The following DNAJC6 variants were observed in gnomAD, a reference collection of about 807,000 sequenced individuals.
DNAJC6 encodes auxilin.
DNAJC6 carries 34 observed loss-of-function variants against 110.0 expected under a neutral mutation model. That is an observed-to-expected ratio of 0.31 (90% confidence interval 0.24 to 0.41). DNAJC6 has a LOEUF of 0.41. Among genes scored for constraint, DNAJC6 ranks in the 10% least tolerant of loss-of-function variants. The probability of loss-of-function intolerance (pLI) is 1.00; values close to 1 mark genes in which losing one functional copy is unlikely to be tolerated. For synonymous variants in DNAJC6, 406 were observed against 437.2 expected (o/e 0.93, Z 0.89); for missense variants, 1,031 against 1,207.8 (o/e 0.85, Z 2.17).
At chr1:65,291,689 G>A (rs1204114434) in intron 1 of DNAJC6, among the ~76,000 whole-genome samples, 2 of 152,164 alleles carry the variant, frequency 1.3e-5, no homozygotes, top group African/African-American at 4.8e-5. Flanking sequence ...TGTACTGAGT[G>A]CTGTTAAGGG....
At chr1:65,385,465 T>C (rs1238803492) in intron 6 of DNAJC6, among the ~76,000 whole-genome samples, 3 of 152,086 alleles carry the variant, frequency 2.0e-5, no homozygotes, top group Non-Finnish European at 4.4e-5. Flanking sequence ...ACTATAAAAT[T>C]CCCATAAGCT....
At chr1:65,297,765 C>T (rs9662773) in intron 1 of DNAJC6, among the ~76,000 whole-genome samples, 2,425 of 152,260 alleles carry the variant, frequency 0.016, 82 homozygotes, top group African/African-American at 0.055. Context: ...GTCCTGTAGC[C>T]GGAGGCTGCA....
chr1:65,311,987 T>C (rs1645105923), intron 1 of DNAJC6, among the ~76,000 whole-genome samples: 2 of 152,234 alleles, frequency 1.3e-5, no homozygotes, highest in Admixed American at 1.3e-4. Context: ...CAGCCTATGG[T>C]AAGTCCTGGA....
At chr1:65,371,007 A>G (rs941627676) in intron 4 of DNAJC6, among the ~76,000 whole-genome samples, 77 of 152,238 alleles carry the variant, frequency 5.1e-4, no homozygotes, top group Middle Eastern at 6.8e-3. Flanking sequence ...AACTGGAGTG[A>G]AAAAAACAAT....
intron 1 of DNAJC6, among the ~76,000 whole-genome samples, chr1:65,326,951 A>G (rs1042173352): frequency 1.3e-5 from 2 of 152,230 alleles, no homozygotes; most frequent in Non-Finnish European, 2.9e-5. Flanking sequence ...GTTGAGATGG[A>G]TGGCAAAGCC....
At chr1:65,353,026 T>C (rs7354899) in intron 1 of DNAJC6, among the ~76,000 whole-genome samples, 110,268 of 152,118 alleles carry the variant, frequency 0.72, 41,437 homozygotes, top group African/African-American at 0.93. Context: ...TTTCTTTAAG[T>C]AGACCATCAG....
intron 1 of DNAJC6, among the ~76,000 whole-genome samples, chr1:65,333,310 G>A (rs1645305244): frequency 6.6e-6 from 1 of 152,120 alleles, no homozygotes; most frequent in African/African-American, 2.4e-5. Context: ...GGACTCGTAG[G>A]TGGAGAACCG....
chr1:65,385,029 T>C (rs1214161631), intron 6 of DNAJC6, among the ~76,000 whole-genome samples: 1 of 152,232 alleles, frequency 6.6e-6, no homozygotes, highest in African/African-American at 2.4e-5. Context: ...ACAGCATTCT[T>C]GATCCCAAGC....
chr1:65,265,768 AG>A (rs1267625617), intron 1 of DNAJC6, among the ~76,000 whole-genome samples: 2 of 151,822 alleles, frequency 1.3e-5, no homozygotes, highest in African/African-American at 4.8e-5. Context: ...TTCCAGGGGG[AG>A]CCCTTCCTTC....
upstream of DNAJC6, among the ~76,000 whole-genome samples, chr1:65,307,441 A>G (rs934036988): frequency 2.0e-5 from 3 of 152,286 alleles, no homozygotes; most frequent in Non-Finnish European, 2.9e-5. Flanking sequence ...AATTTCTTTC[A>G]GCAATATGTC....
chr1:65,285,077 AGG>A (rs1429303360), intron 1 of DNAJC6, among the ~76,000 whole-genome samples: 5 of 152,162 alleles, frequency 3.3e-5, no homozygotes, highest in Non-Finnish European at 5.9e-5. Flanking sequence ...TGTAATTATC[AGG>A]TTGCTTTGGT....
intron 13 of DNAJC6, 54 bp downstream of exon 13, chr1:65,395,086 CA>C: frequency 6.6e-7 from 1 of 1,516,146 alleles, no homozygotes; most frequent in Non-Finnish European, 8.8e-7. Flanking sequence ...TGCAAGATAT[CA>C]GTAAGTGCTC....
intron 1 of DNAJC6, among the ~76,000 whole-genome samples, chr1:65,326,451 C>T (rs556021287): frequency 6.6e-6 from 1 of 152,252 alleles, no homozygotes; most frequent in East Asian, 1.9e-4. Context: ...AGTATTTTCA[C>T]AGGAAGAAAT....
Position 65,413,108 on chromosome 1 carries a change from A to G in DNAJC6, c.*83A>G. 1 of 1,153,868 alleles carries G rather than the reference A, an allele frequency of 8.7e-7. No homozygotes were observed. The highest frequency in any genetic ancestry group is 1.3e-6 in the Non-Finnish European group (1 of 788,956). 71.5% of individuals were successfully genotyped at this position (1,153,868 alleles called of 1,614,324 possible). On this transcript the variant is annotated 3_prime_UTR_variant, in exon 19 of 19. Transcript: ENST00000371069. ...ATTCTGAGGTTTTCGCAGATGAACC[A>G]AAAACTCCAGTAACATGTTTTCAGT...
At chr1:65,373,047 T>C (rs895240739) in intron 4 of DNAJC6, among the ~76,000 whole-genome samples, 2 of 152,156 alleles carry the variant, frequency 1.3e-5, no homozygotes, top group African/African-American at 4.8e-5. Context: ...TGCATATGAG[T>C]AAAAAACATG....
intron 4 of DNAJC6, among the ~76,000 whole-genome samples, chr1:65,371,722 G>A (rs1316374984): frequency 6.6e-6 from 1 of 152,112 alleles, no homozygotes; most frequent in Non-Finnish European, 1.5e-5. Flanking sequence ...TTCCCACTGG[G>A]TGGTATCATG....
chr1:65,380,201 A>G (rs987067763), intron 5 of DNAJC6, among the ~76,000 whole-genome samples: 1 of 152,222 alleles, frequency 6.6e-6, no homozygotes, highest in African/African-American at 2.4e-5. Context: ...GACTATTATA[A>G]TCTTGCAGGA....
At chr1:65,322,843 G>T (rs571177443) in intron 1 of DNAJC6, among the ~76,000 whole-genome samples, 1 of 152,144 alleles carries the variant, frequency 6.6e-6, no homozygotes, top group Non-Finnish European at 1.5e-5. Flanking sequence ...GGCATTAAAG[G>T]TTGATATTTC....
chr1:65,310,637 C>T (rs1012634707), intron 1 of DNAJC6, among the ~76,000 whole-genome samples: 5 of 152,158 alleles, frequency 3.3e-5, no homozygotes. Flanking sequence ...AAGGAAATTC[C>T]TCTAAACTTT....
Sources: allele counts gnomAD v4.1 joint callset (sites outside exome capture counted in the v4.1 genomes callset), GRCh38; gene constraint gnomAD v4.1.1; transcripts MANE v1.5; gene names NCBI Gene and HGNC (gene_info 2026-07-23, HGNC 2026-07-21).